Variants in ANO4 observed in about 807,000 individuals in gnomAD.
ANO4 encodes the protein anoctamin-4.
In ANO4, 69 loss-of-function variants were observed where a neutral mutation model predicts 141.9. That is an observed-to-expected ratio of 0.49 (90% CI 0.40 to 0.59). ANO4 has a LOEUF of 0.59. ANO4 is among the 20% of genes least tolerant of loss of function. The pLI, the probability that ANO4 is intolerant of heterozygous loss-of-function variation, is 0.00. For synonymous variants in ANO4, 350 were observed against 394.3 expected, an observed-to-expected ratio of 0.89 and a Z score of 1.33; for missense variants, 894 against 1,162.2, an observed-to-expected ratio of 0.77 and a Z score of 3.36.
chr12:100,852,612 T>C (rs1001416189), intron 1 of ANO4: 1 of 152,210 alleles, frequency 6.6e-6, no homozygotes, highest in Admixed American at 6.5e-5. Flanking sequence ...AGTAGGCTTC[T>C]GATTACTTCA....
intron 1 of ANO4, among the ~76,000 whole-genome samples, chr12:100,881,655 A>G (rs1417956838): frequency 6.6e-6 from 1 of 152,180 alleles, no homozygotes; most frequent in Non-Finnish European, 1.5e-5. Context: ...TCTCAACCTC[A>G]GTTTCCTCAT....
chr12:100,757,552 A>G (rs566222881), intron 3 of ANO4, among the ~76,000 whole-genome samples: 1 of 152,306 alleles, frequency 6.6e-6, no homozygotes, highest in African/African-American at 2.4e-5. Flanking sequence ...GTATACCATG[A>G]ACTTGACTTT....
chr12:101,001,273 A>G (rs2045627313), intron 8 of ANO4, among the ~76,000 whole-genome samples: 1 of 152,204 alleles, frequency 6.6e-6, no homozygotes, highest in African/African-American at 2.4e-5. Context: ...ATACGTATGT[A>G]GTCACACTGT....
intron 14 of ANO4, among the ~76,000 whole-genome samples, chr12:101,061,962 T>G (rs1343339950): frequency 6.6e-6 from 1 of 152,088 alleles, no homozygotes; most frequent in Non-Finnish European, 1.5e-5. Context: ...GAAGAGGCAT[T>G]CTGGTTTTTG....
At chr12:101,125,546 G>A (rs1415123176) in intron 26 of ANO4, among the ~76,000 whole-genome samples, 27 of 152,086 alleles carry the variant, frequency 1.8e-4, no homozygotes, top group East Asian at 5.8e-4. Context: ...GTCTTGTGCC[G>A]GTTTTTAAGG....
chr12:100,820,539 G>A (rs998108459), intron 1 of ANO4, among the ~76,000 whole-genome samples: 1 of 151,950 alleles, frequency 6.6e-6, no homozygotes, highest in Non-Finnish European at 1.5e-5. Context: ...ATGTAAGTCG[G>A]CAAGCTTATC....
At chr12:100,736,448 G>GT (rs1382132611) in intron 2 of ANO4, among the ~76,000 whole-genome samples, 2 of 152,210 alleles carry the variant, frequency 1.3e-5, no homozygotes, top group Non-Finnish European at 2.9e-5. Flanking sequence ...ACATATGAGA[G>GT]TAAGAGCTGC....
At chr12:100,784,484 C>T (rs1243167863) in intron 3 of ANO4, among the ~76,000 whole-genome samples, 1 of 152,146 alleles carries the variant, frequency 6.6e-6, no homozygotes, top group African/African-American at 2.4e-5. Context: ...ATTCATTTTC[C>T]TCTCTCTTAT....
intron 9 of ANO4, among the ~76,000 whole-genome samples, chr12:101,030,746 C>T (rs1039129861): frequency 3.3e-5 from 5 of 151,664 alleles, no homozygotes; most frequent in Admixed American, 1.3e-4. Context: ...GAGAAGAATC[C>T]CATAAAAAAT....
chr12:100,733,782 G>T (rs749936289), exon 2 of ANO4: 2 of 701,414 alleles, frequency 2.9e-6, no homozygotes, highest in African/African-American at 3.5e-5. Context: ...AGACAAAGAT[G>T]TGAGCAGCGG....
chr12:100,923,142 T>C (rs896147751), intron 3 of ANO4, among the ~76,000 whole-genome samples: 1 of 152,130 alleles, frequency 6.6e-6, no homozygotes, highest in African/African-American at 2.4e-5. Flanking sequence ...TTCTTTTCTT[T>C]TTTTATTATT....
intron 10 of ANO4, among the ~76,000 whole-genome samples, chr12:101,038,094 T>C (rs888392075): frequency 7.9e-5 from 12 of 152,214 alleles, no homozygotes; most frequent in African/African-American, 2.9e-4. Flanking sequence ...TTTTCAGAAC[T>C]TTATTTATTA....
At chr12:101,064,659 G>GTGT (rs1239353362) in intron 14 of ANO4, among the ~76,000 whole-genome samples, 154 of 107,238 alleles carry the variant, frequency 1.4e-3, no homozygotes, top group South Asian at 6.7e-3. Flanking sequence ...AGAACTTAAA[G>GTGT]TATTATAATA....
chr12:100,720,143 T>G (rs1467556121), intron 1 of ANO4, among the ~76,000 whole-genome samples: 5 of 152,056 alleles, frequency 3.3e-5, no homozygotes, highest in Non-Finnish European at 7.4e-5. Flanking sequence ...ACTGGGACTT[T>G]AATTGTTCTT....
intron 9 of ANO4, among the ~76,000 whole-genome samples, chr12:101,021,419 C>A (rs1036811177): frequency 8.5e-5 from 13 of 152,194 alleles, no homozygotes; most frequent in Admixed American, 8.5e-4. Flanking sequence ...CCTCCAGTGT[C>A]CCTCCCAGTG....
At chr12:100,913,306 A>G (rs769113064) in intron 2 of ANO4, among the ~76,000 whole-genome samples, 4 of 152,202 alleles carry the variant, frequency 2.6e-5, no homozygotes, top group East Asian at 3.9e-4. Flanking sequence ...GGAAAAGAGC[A>G]TTGCGTTTTG....
chr12:100,922,419 C>A, intron 3 of ANO4, 89 bp downstream of exon 3: 1 of 834,334 alleles, frequency 1.2e-6, no homozygotes, highest in South Asian at 2.4e-5. Flanking sequence ...CCTTAGATGT[C>A]AAGCTTTAAA....
intron 1 of ANO4, among the ~76,000 whole-genome samples, chr12:100,898,345 G>A (rs1385011221): frequency 2.0e-5 from 3 of 152,110 alleles, no homozygotes; most frequent in Non-Finnish European, 4.4e-5. Context: ...TTGCATACTA[G>A]CTATTTATTT....
chr12:101,120,253 T>C (rs1033908792), intron 25 of ANO4, among the ~76,000 whole-genome samples: 2 of 152,158 alleles, frequency 1.3e-5, no homozygotes, highest in African/African-American at 4.8e-5. Flanking sequence ...ATCTTGATGA[T>C]GTCACTGATC....
Sources: allele counts gnomAD v4.1 joint callset (sites outside exome capture counted in the v4.1 genomes callset), GRCh38; gene constraint gnomAD v4.1.1; transcripts MANE v1.5; gene names NCBI Gene and HGNC (gene_info 2026-07-23, HGNC 2026-07-21).